The following USP43 variants were observed in gnomAD, a reference collection of about 807,000 sequenced individuals.
USP43 encodes ubiquitin specific peptidase 43.
USP43 carries 33 observed loss-of-function variants against 90.7 expected under a neutral mutation model. That is an observed-to-expected ratio of 0.36 (90% CI 0.28 to 0.49). The LOEUF is 0.49. USP43 is among the 20% of genes least tolerant of loss of function. USP43 has a pLI of 0.98. For synonymous variants in USP43, 598 were observed against 615.8 expected, an observed-to-expected ratio of 0.97 and a Z score of 0.43; for missense variants, 1,274 against 1,476.4, an observed-to-expected ratio of 0.86 and a Z score of 2.25.
chr17:9,692,886 T>C (rs945415631), intron 8 of USP43, among the ~76,000 whole-genome samples: 2 of 152,170 alleles, frequency 1.3e-5, no homozygotes, highest in African/African-American at 4.8e-5. Flanking sequence ...TGTGTTCATT[T>C]TTGGGGGGAA....
At chr17:9,660,706 G>A (rs1912583337) in intron 2 of USP43, among the ~76,000 whole-genome samples, 1 of 152,174 alleles carries the variant, frequency 6.6e-6, no homozygotes, top group Non-Finnish European at 1.5e-5. Flanking sequence ...GATCTCTCCA[G>A]CTGCTTCCTG....
chr17:9,673,947 T>C (rs1913603955), intron 3 of USP43, among the ~76,000 whole-genome samples: 1 of 152,192 alleles, frequency 6.6e-6, no homozygotes, highest in Admixed American at 6.5e-5. Context: ...GTGTCAGTGA[T>C]TCTCTACTAT....
chr17:9,670,075 A>G (rs1913303170), intron 3 of USP43, among the ~76,000 whole-genome samples: 1 of 140,168 alleles, frequency 7.1e-6, no homozygotes, highest in South Asian at 2.2e-4. Context: ...GTCTTATGCT[A>G]TCACCCAGGC....
chr17:9,659,309 G>A (rs1912482163), intron 2 of USP43, among the ~76,000 whole-genome samples: 1 of 152,190 alleles, frequency 6.6e-6, no homozygotes, highest in Non-Finnish European at 1.5e-5. Context: ...AACTCTTGAA[G>A]TGATTGACTA....
intron 5 of USP43, among the ~76,000 whole-genome samples, chr17:9,678,113 A>G (rs1913908860): frequency 2.0e-5 from 3 of 152,178 alleles, no homozygotes; most frequent in Admixed American, 2.0e-4. Context: ...GAAAAGATCA[A>G]AAGGGAGAAG....
intron 14 of USP43, among the ~76,000 whole-genome samples, chr17:9,713,233 C>T (rs1457453574): frequency 1.3e-5 from 2 of 151,958 alleles, no homozygotes; most frequent in South Asian, 2.1e-4. Context: ...GGATTACAGG[C>T]GCCTGCCACT....
At chr17:9,662,820 C>CTT (rs758792118) in intron 2 of USP43, among the ~76,000 whole-genome samples, 19,274 of 140,678 alleles carry the variant, frequency 0.14, 1,499 homozygotes, top group East Asian at 0.31. Context: ...TATATGATCT[C>CTT]TTTTTTTTTT....
At chr17:9,678,250 C>A (rs1913916878) in intron 5 of USP43, among the ~76,000 whole-genome samples, 1 of 152,186 alleles carries the variant, frequency 6.6e-6, no homozygotes, top group Non-Finnish European at 1.5e-5. Flanking sequence ...GGCATTTCCA[C>A]TGAAACTGAA....
chr17:9,728,151 A>G lies in USP43; in HGVS notation c.2533A>G (p.Thr845Ala), dbSNP rs1597905323. ...YLESRRRPRS[T>A]SQSIVSLLTG... ...GGAATCCAGACGAAGACCTCGGTCC[A>G]CGAGCCAGTCCATTGTGTCGCTGTT... is the stretch of plus-strand genomic sequence containing the variant. The change falls in exon 15 of 15, where the codon ACG (threonine) becomes GCG (alanine). Residue 845 changes from threonine (T) to alanine (A), a missense_variant. By Grantham distance (58) the Thr-to-Ala change is moderately conservative. Coordinates refer to ENST00000285199, the MANE Select transcript of USP43 (RefSeq NM_153210.5). The surrounding 1 kb of genome is among the most constrained non-coding windows in gnomAD (Gnocchi z 6.2). 1 of 1,613,716 alleles carries G rather than the reference A, an allele frequency of 6.2e-7. No homozygotes were observed. The highest frequency in any genetic ancestry group is 1.1e-5 in the South Asian group (1 of 91,076).
chr17:9,671,934 T>C (rs557930575), intron 3 of USP43, among the ~76,000 whole-genome samples: 8 of 152,368 alleles, frequency 5.3e-5, no homozygotes, highest in African/African-American at 1.9e-4. Context: ...CTTTGACACG[T>C]GGATGTATTT....
At chr17:9,707,350 T>C (rs920710973) in intron 12 of USP43, among the ~76,000 whole-genome samples, 2 of 152,172 alleles carry the variant, frequency 1.3e-5, no homozygotes, top group African/African-American at 4.8e-5. Context: ...TATTACTTAA[T>C]TTTAAAAATG....
At chr17:9,721,263 T>A (rs1042413350) in intron 14 of USP43, among the ~76,000 whole-genome samples, 9 of 152,194 alleles carry the variant, frequency 5.9e-5, no homozygotes, top group Admixed American at 5.9e-4. Context: ...CCTCTATGGC[T>A]TTTATTGGGC....
chr17:9,721,738 T>G (rs1405329942), intron 14 of USP43, among the ~76,000 whole-genome samples: 1 of 150,766 alleles, frequency 6.6e-6, no homozygotes, highest in East Asian at 1.9e-4. Context: ...TTTTTTTTTT[T>G]TTGAGACCGA....
intron 7 of USP43, among the ~76,000 whole-genome samples, chr17:9,684,868 T>A (rs1018316914): frequency 6.6e-6 from 1 of 152,188 alleles, no homozygotes; most frequent in Non-Finnish European, 1.5e-5. Flanking sequence ...AAATGATTTT[T>A]AGAAATTGAT....
intron 2 of USP43, 104 bp from the exon 3 acceptor site, chr17:9,666,544 A>G: frequency 2.3e-6 from 2 of 883,650 alleles, no homozygotes; most frequent in Non-Finnish European, 3.6e-6. Context: ...AGGCCCAGAA[A>G]GGGATGATGC....
In USP43 at chr17:9,646,028, G is replaced by A. The variant is rs977044741; in HGVS notation, c.396G>A (p.Gly132=). 2.7e-6 allele frequency: 4 copies of A among 1,488,704 alleles called. No individual in the cohort carries two copies. The highest frequency in any genetic ancestry group is 1.5e-5 in the African/African-American group (1 of 67,662). 92.2% of individuals were successfully genotyped at this position (1,488,704 alleles called of 1,614,324 possible). ...TGCTGGCCGAGTTCCTGGCGCTGGG[G>A]CGCTACCGGGCGGCTCCGGGCCGCG... ...TDLLAEFLAL[G]RYRAAPGRAE... is the part of the protein sequence containing the mutation. The change falls in exon 1 of 15, where the codon GGG becomes GGA. Residue 132 remains glycine (G), a synonymous_variant. Coordinates refer to ENST00000285199, the MANE Select transcript of USP43 (RefSeq NM_153210.5).
intron 1 of USP43, among the ~76,000 whole-genome samples, chr17:9,654,166 C>G (rs1200502114): frequency 6.6e-6 from 1 of 152,160 alleles, no homozygotes; most frequent in African/African-American, 2.4e-5. Flanking sequence ...CCATGCCCAG[C>G]TGACTTTTAA....
intron 12 of USP43, among the ~76,000 whole-genome samples, chr17:9,706,191 A>G (rs967187715): frequency 3.3e-5 from 5 of 152,314 alleles, no homozygotes; most frequent in African/African-American, 1.2e-4. Flanking sequence ...ATGAATTATT[A>G]GTCTTTTTCC....
In USP43 at chr17:9,680,238, T is replaced by C; in HGVS notation, c.977T>C (p.Leu326Ser). The C allele has an allele frequency of 6.2e-7, 1 of 1,613,632 alleles. No individual in the cohort carries two copies. Among genetic ancestry groups the C allele is most frequent in the Non-Finnish European group, 8.5e-7 (1 of 1,179,706 alleles). The change falls in exon 6 of 15, where the codon TTG (leucine) becomes TCG (serine). Residue 326 changes from leucine to serine, a missense_variant. Leu to Ser is a moderately radical substitution (Grantham distance 145, BLOSUM62 -2). Transcript: ENST00000285199. Reference sequence around the variant, plus strand: ...TGATCTTTCTCATTTCAGGTGATCTTGGTTGAACTGTATCCCAGTGGATTC... The same window carrying C: ...TGATCTTTCTCATTTCAGGTGATCTCGGTTGAACTGTATCCCAGTGGATTC... ...EGGVPADEVI[L>S]VELYPSGFQR...
Sources: gnomAD v4.1 joint callset for allele counts (sites outside exome capture counted in the v4.1 genomes callset) on GRCh38, gnomAD v4.1.1 for gene constraint, Gnocchi (gnomAD v3.1) non-coding constraint, MANE v1.5 for transcripts, NCBI Gene and HGNC (gene_info 2026-07-23, HGNC 2026-07-21) for gene names.